The following FAM227A variants were observed in gnomAD, a reference collection of about 807,000 sequenced individuals.
The protein encoded by FAM227A is protein FAM227A.
In FAM227A, 80 loss-of-function variants were observed where a neutral mutation model predicts 74.7. The ratio of observed to expected loss-of-function variants is 1.07; its 90% CI spans 0.89 to 1.29. The LOEUF is 1.29. Ranked by LOEUF, FAM227A falls within the 50% of genes most tolerant of loss-of-function variation. FAM227A has a pLI of 0.00. For missense variants in FAM227A, 654 were observed against 683.4 expected, an observed-to-expected ratio of 0.96 and a Z score of 0.48; for synonymous variants, 237 against 241.8, an observed-to-expected ratio of 0.98 and a Z score of 0.19.
chr22:38,628,776 T>G (rs2091859552), intron 7 of FAM227A, 58 bp downstream of exon 7: 15 of 1,035,634 alleles, frequency 1.4e-5, no homozygotes, highest in Non-Finnish European at 2.2e-5. Flanking sequence ...GAGAATGGAA[T>G]TTGTTCTGTA....
intron 11 of FAM227A, among the ~76,000 whole-genome samples, chr22:38,619,122 G>A (rs928751883): frequency 3.3e-5 from 5 of 152,122 alleles, no homozygotes; most frequent in African/African-American, 1.2e-4. Flanking sequence ...GAGGTACAGA[G>A]GCCACATACA....
At chr22:38,640,102 C>A (rs905765117) in intron 3 of FAM227A, among the ~76,000 whole-genome samples, 6 of 151,880 alleles carry the variant, frequency 4.0e-5, no homozygotes, top group African/African-American at 1.5e-4. Context: ...GGTGCAATCT[C>A]GGCTCACTGC....
intron 3 of FAM227A, among the ~76,000 whole-genome samples, chr22:38,641,025 G>A (rs2092103776): frequency 1.3e-5 from 2 of 152,142 alleles, no homozygotes; most frequent in Non-Finnish European, 2.9e-5. Flanking sequence ...ATGGGTATGA[G>A]TCACTGTAGC....
intron 13 of FAM227A, among the ~76,000 whole-genome samples, chr22:38,603,683 C>CAA (rs2091224389): frequency 6.6e-6 from 1 of 152,040 alleles, no homozygotes; most frequent in South Asian, 2.1e-4. Flanking sequence ...ATAGTGTATG[C>CAA]AGGACAGACA....
chr22:38,630,182 T>C (rs907193505), intron 6 of FAM227A, among the ~76,000 whole-genome samples: 3 of 152,224 alleles, frequency 2.0e-5, no homozygotes, highest in African/African-American at 7.2e-5. Context: ...CACAGGTGCC[T>C]CTCCTTTACC....
chr22:38,633,742 A>G (rs1371925177), intron 6 of FAM227A, among the ~76,000 whole-genome samples: 2 of 151,990 alleles, frequency 1.3e-5, no homozygotes, highest in African/African-American at 4.8e-5. Flanking sequence ...GGGTTTCACC[A>G]CATTGGCCAG....
chr22:38,614,502 C>G (rs2091534971), intron 11 of FAM227A, among the ~76,000 whole-genome samples: 1 of 152,160 alleles, frequency 6.6e-6, no homozygotes, highest in Non-Finnish European at 1.5e-5. Flanking sequence ...ACTCATTCCC[C>G]TGAATTGTGG....
In FAM227A at chr22:38,607,445, G is replaced by C; in HGVS notation, c.1070C>G (p.Thr357Ser). 1 of 1,551,442 alleles carries C rather than the reference G, an allele frequency of 6.4e-7. No homozygotes were observed. The highest frequency in any genetic ancestry group is 8.7e-7 in the Non-Finnish European group (1 of 1,146,894). Reference protein sequence around the residue: ...SSSANSPSEKTSSAKQNSEKS... With the variant: ...SSSANSPSEKSSSAKQNSEKS... Reference sequence around the variant, plus strand: ...TTCTGAGTTCTGCTTGGCCGAAGAGGTTTTTTCACTGGGTGAATTTGCACT... The same window carrying C: ...TTCTGAGTTCTGCTTGGCCGAAGAGCTTTTTTCACTGGGTGAATTTGCACT... Residue 357 changes from threonine to serine, a missense_variant, in exon 12 of 17, where the codon ACC becomes AGC. Physicochemically the swap from Thr to Ser is moderately conservative, Grantham distance 58 (BLOSUM62 1). Transcript: ENST00000535113.
At chr22:38,624,546 G>A (rs530446806) in intron 9 of FAM227A, among the ~76,000 whole-genome samples, 5 of 152,302 alleles carry the variant, frequency 3.3e-5, no homozygotes, top group South Asian at 2.1e-4. Context: ...CTCTCTTAAC[G>A]GAAGAAGAAT....
At chr22:38,600,504 A>C (rs2091149494) in intron 13 of FAM227A, among the ~76,000 whole-genome samples, 1 of 151,214 alleles carries the variant, frequency 6.6e-6, no homozygotes, top group South Asian at 2.1e-4. Flanking sequence ...TGCCCAGCTA[A>C]TTTTTGTATT....
At position 38,584,903 on chromosome 22, in the gene FAM227A, T is replaced by C. The variant is rs2090774291; in HGVS notation, c.*1222A>G. 6.6e-6 allele frequency: 1 copy of C among 152,080 alleles called. No homozygotes were observed. The highest frequency in any genetic ancestry group is 6.6e-5 in the Admixed American group (1 of 15,260). The allele number at this position is 152,080 out of a possible 1,614,324, so 9.4% of individuals were successfully genotyped here. A position where few individuals can be genotyped will look rare whatever the true frequency, so the allele number is the denominator to read the frequency against. ...CCTCCGCCACCTGGGTTCCAACGAT[T>C]CTTCTGCCTCAGCCTCCCGAGTAGC... is the stretch of plus-strand genomic sequence containing the variant. On this transcript the variant is annotated 3_prime_UTR_variant, in exon 17 of 17. Coordinates refer to ENST00000535113, the MANE Select transcript of FAM227A (RefSeq NM_001013647.2).
intron 13 of FAM227A, among the ~76,000 whole-genome samples, chr22:38,601,319 G>A (rs73157155): frequency 0.03 from 4,616 of 152,074 alleles, 121 homozygotes; most frequent in Non-Finnish European, 0.05. Flanking sequence ...AATGCTGTGG[G>A]GAAGGGAGCC....
At chr22:38,654,567 A>G (rs2145762289) in intron 1 of FAM227A, among the ~76,000 whole-genome samples, 1 of 151,354 alleles carries the variant, frequency 6.6e-6, no homozygotes, top group East Asian at 2.0e-4. Flanking sequence ...TGTAATCCCA[A>G]TACTTTGGGA....
intron 1 of FAM227A, among the ~76,000 whole-genome samples, chr22:38,652,768 C>T (rs2092341478): frequency 7.2e-6 from 1 of 137,942 alleles, no homozygotes; most frequent in South Asian, 2.4e-4. Flanking sequence ...TCCCAGCTAC[C>T]AGGGAGGCTG....
intron 11 of FAM227A, 76 bp downstream of exon 11, chr22:38,620,136 G>T: frequency 2.0e-6 from 2 of 1,023,540 alleles, no homozygotes; most frequent in Non-Finnish European, 3.0e-6. Context: ...GGAGGCCACT[G>T]ATGCTCCAGA....
chr22:38,613,310 A>ATC (rs1327604346), intron 11 of FAM227A, among the ~76,000 whole-genome samples: 181 of 43,926 alleles, frequency 4.1e-3, no homozygotes, highest in African/African-American at 0.013. Context: ...TATAATATAT[A>ATC]ACATATAATA....
At chr22:38,599,390 T>C (rs976682949) in intron 14 of FAM227A, among the ~76,000 whole-genome samples, 1 of 152,142 alleles carries the variant, frequency 6.6e-6, no homozygotes, top group Admixed American at 6.5e-5. Flanking sequence ...GAAACATACA[T>C]GTGGACAACA....
chr22:38,611,488 AGGTATTC>A (rs1435144446), intron 11 of FAM227A, among the ~76,000 whole-genome samples: 13 of 152,190 alleles, frequency 8.5e-5, no homozygotes. Flanking sequence ...TTAAATTAGT[AGGTATTC>A]TGACAAGACA....
intron 11 of FAM227A, among the ~76,000 whole-genome samples, chr22:38,619,916 GA>G (rs953504111): frequency 7.3e-5 from 11 of 151,292 alleles, no homozygotes; most frequent in African/African-American, 2.4e-4. Context: ...GATTAGTGGA[GA>G]AAAAAAAATA....
Sources: gnomAD v4.1 joint callset for allele counts (sites outside exome capture counted in the v4.1 genomes callset) on GRCh38, gnomAD v4.1.1 for gene constraint, MANE v1.5 for transcripts, NCBI Gene and HGNC (gene_info 2026-07-23, HGNC 2026-07-21) for gene names.